TMEM39A: variants seen among roughly 807,000 people sequenced by gnomAD.
TMEM39A encodes the protein suppressor of SQST-1 aggregates in rpl-43 mutants.
A neutral mutation model predicts 51.9 loss-of-function variants in TMEM39A; 19 were observed. That is an observed-to-expected ratio of 0.37 (90% CI 0.26 to 0.54). TMEM39A has a LOEUF of 0.54. Ranked by LOEUF, TMEM39A falls within the 20% of genes least tolerant of loss-of-function variation. The pLI, the probability that TMEM39A is intolerant of heterozygous loss-of-function variation, is 0.88. For missense variants in TMEM39A, 433 were observed against 590.5 expected, an observed-to-expected ratio of 0.73 and a Z score of 2.76; for synonymous variants, 197 against 220.2, an observed-to-expected ratio of 0.89 and a Z score of 0.93.
chr3:119,444,089 G>A (rs563835835), intron 5 of TMEM39A, among the ~76,000 whole-genome samples: 2 of 152,176 alleles, frequency 1.3e-5, no homozygotes, highest in Non-Finnish European at 2.9e-5. Context: ...AAACTAAAAT[G>A]TATTTAAATT....
intron 5 of TMEM39A, 63 bp downstream of exon 5, chr3:119,446,955 G>A (rs776612573): frequency 3.3e-5 from 51 of 1,527,444 alleles, no homozygotes; most frequent in South Asian, 8.6e-5. Context: ...TAAAAGTATC[G>A]TTTACGTGAC....
intron 6 of TMEM39A, 33 bp from the exon 7 acceptor site, chr3:119,437,011 A>C (rs2080978494): frequency 6.3e-7 from 1 of 1,581,546 alleles, no homozygotes; most frequent in Non-Finnish European, 8.7e-7. Context: ...GAAATGATCC[A>C]TGCACTGGTA....
chr3:119,452,533 A>G lies in TMEM39A; in HGVS notation c.337-3T>C, dbSNP rs1207084190. On this transcript the variant is annotated splice_region_variant and splice_polypyrimidine_tract_variant and intron_variant, in intron 3 of 8. Transcript: ENST00000319172. ...TGATAATCAATGAGATGAAAATTCT[A>G]CAACAGAAATAAATAACTACATCAG... is the stretch of plus-strand genomic sequence containing the variant. 2.5e-6 allele frequency: 4 copies of G among 1,611,268 alleles called. No individual in the cohort carries two copies. The highest frequency in any genetic ancestry group is 1.3e-5 in the African/African-American group (1 of 74,846).
chr3:119,448,098 T>A (rs966663156), intron 4 of TMEM39A, among the ~76,000 whole-genome samples: 1 of 152,250 alleles, frequency 6.6e-6, no homozygotes, highest in African/African-American at 2.4e-5. Flanking sequence ...CCGATCTTCT[T>A]TGACAGATCC....
At chr3:119,462,633 A>G (rs1224076837) in intron 1 of TMEM39A, among the ~76,000 whole-genome samples, 1 of 2,258 alleles carries the variant, frequency 4.4e-4, no homozygotes, top group Admixed American at 4.7e-3. Flanking sequence ...TGTTTCTTCA[A>G]GGGGGGGGGG....
chr3:119,455,794 A>G (rs1345973862), intron 3 of TMEM39A, among the ~76,000 whole-genome samples: 1 of 152,202 alleles, frequency 6.6e-6, no homozygotes, highest in Non-Finnish European at 1.5e-5. Context: ...CTGAAAATTC[A>G]ACAAATGAGA....
rs184538785 is a variant in TMEM39A, at chr3:119,458,670, G to A, written c.114-430C>T. Among the ~76,000 whole-genome samples, 1,206 of 152,164 alleles carry A rather than the reference G, an allele frequency of 7.9e-3. 20 individuals carry two copies. The highest frequency in any genetic ancestry group is 0.072 in the South Asian group (347 of 4,820). On this transcript the variant is annotated intron_variant, in intron 2 of 8. Coordinates refer to ENST00000319172, the MANE Select transcript of TMEM39A (RefSeq NM_018266.3). ...AGCACTTTGGGAGGCCGAGGCGGGC[G>A]GAACACCTGAGGTCAGGAGTTCAAG...
intron 4 of TMEM39A, among the ~76,000 whole-genome samples, chr3:119,449,965 T>C (rs1017862006): frequency 2.0e-5 from 3 of 152,160 alleles, no homozygotes; most frequent in African/African-American, 4.8e-5. Flanking sequence ...TTAAATATTA[T>C]TGATCTTTCT....
intron 8 of TMEM39A, among the ~76,000 whole-genome samples, chr3:119,434,136 T>C (rs1384439906): frequency 2.0e-5 from 3 of 152,208 alleles, no homozygotes; most frequent in African/African-American, 7.2e-5. Context: ...GCCTTTCTTT[T>C]ATAAGTATAT....
intron 3 of TMEM39A, among the ~76,000 whole-genome samples, chr3:119,453,802 A>T (rs564837322): frequency 6.6e-6 from 1 of 152,378 alleles, no homozygotes; most frequent in South Asian, 2.1e-4. Context: ...AGCTAAACCC[A>T]TATCTTCAAT....
intron 2 of TMEM39A, among the ~76,000 whole-genome samples, chr3:119,460,798 T>C (rs889161147): frequency 1.3e-5 from 2 of 151,628 alleles, no homozygotes; most frequent in African/African-American, 2.4e-5. Flanking sequence ...AGATTTTCTA[T>C]CACAATTTGA....
rs544903251 is a variant in TMEM39A, at chr3:119,433,447, A to C, written c.1234-1233T>G. On this transcript the variant is annotated intron_variant, in intron 8 of 8. Transcript: ENST00000319172. ...AGCAGGTGGCCCATGGATCACTTGG[A>C]GAAGCACTGATTTAACTGTCTATCC... 2.0e-5 allele frequency among the ~76,000 whole-genome samples: 3 copies of C among 152,258 alleles called. No homozygotes were observed. The South Asian group carries it at 6.2e-4, about 32-fold the overall frequency.
chr3:119,435,467 T>A, intron 7 of TMEM39A: 1 of 642,554 alleles, frequency 1.6e-6, no homozygotes, highest in Non-Finnish European at 1.9e-6. Flanking sequence ...TTTCATGGTT[T>A]ATTTTTATAG....
At chr3:119,444,830 A>G (rs1033437093) in intron 5 of TMEM39A, among the ~76,000 whole-genome samples, 1 of 152,228 alleles carries the variant, frequency 6.6e-6, no homozygotes, top group Non-Finnish European at 1.5e-5. Flanking sequence ...CTACTGATAC[A>G]GTAATGATTA....
chr3:119,451,118 T>C lies in TMEM39A; in HGVS notation c.420+1329A>G, dbSNP rs1351959573. The C allele has an allele frequency of 8.4e-6, 4 of 478,716 alleles. No homozygotes were observed. In the African/African-American group the frequency reaches 8.4e-5, roughly 10 times the overall value. The allele number at this position is 478,716 out of a possible 1,614,324, so 29.7% of individuals were successfully genotyped here. ...CATGCTTTCACAATATAACAAAAAG[T>C]GAGTTTCTATTTCCATCCTCTAAAT... On this transcript the variant is annotated intron_variant, in intron 4 of 8. Coordinates refer to ENST00000319172, the MANE Select transcript of TMEM39A (RefSeq NM_018266.3).
intron 8 of TMEM39A, among the ~76,000 whole-genome samples, chr3:119,434,370 C>T (rs1054257512): frequency 6.6e-6 from 1 of 152,082 alleles, no homozygotes; most frequent in Non-Finnish European, 1.5e-5. Flanking sequence ...AACCACCGCA[C>T]TATTAATATA....
At chr3:119,443,266 G>A (rs1438888363) in intron 5 of TMEM39A, among the ~76,000 whole-genome samples, 1 of 152,158 alleles carries the variant, frequency 6.6e-6, no homozygotes, top group Non-Finnish European at 1.5e-5. Flanking sequence ...TGTTACAGCA[G>A]CAATAGGGTT....
chr3:119,438,761 C>A (rs555933242), intron 5 of TMEM39A, among the ~76,000 whole-genome samples: 33 of 152,252 alleles, frequency 2.2e-4, no homozygotes, highest in African/African-American at 6.7e-4. Context: ...CTTCAAATGT[C>A]CCTTTCTTAG....
intron 5 of TMEM39A, 47 bp downstream of exon 5, chr3:119,446,971 T>A: frequency 6.4e-7 from 1 of 1,574,396 alleles, no homozygotes; most frequent in East Asian, 2.3e-5. Flanking sequence ...GTGACCGAAA[T>A]AATTTCTAAA....
Sources: gnomAD v4.1 joint callset for allele counts (sites outside exome capture counted in the v4.1 genomes callset) on GRCh38, gnomAD v4.1.1 for gene constraint, MANE v1.5 for transcripts, NCBI Gene and HGNC (gene_info 2026-07-23, HGNC 2026-07-21) for gene names.